The following MVP variants were observed in gnomAD, a reference collection of about 807,000 sequenced individuals.
MVP encodes the protein major vault protein, also known as lung resistance-related protein.
In MVP, 62 loss-of-function variants were observed where a neutral mutation model predicts 83.5. That is an observed-to-expected ratio of 0.74 (90% CI 0.61 to 0.92). The LOEUF (loss-of-function observed/expected upper bound fraction) is 0.92, where lower values mean the gene tolerates loss of function less well. Among genes scored for constraint, MVP ranks in the 40% least tolerant of loss-of-function variants. MVP has a pLI of 0.00. For synonymous variants in MVP, 505 were observed against 504.1 expected (o/e 1.00, Z -0.02); for missense variants, 1,000 against 1,203.4 (o/e 0.83, Z 2.50).
Position 29,841,549 on chromosome 16 carries a change from TC to T in MVP, c.1192-44del. ...TTTGGGACAGCTGGGCGGATCTTCC[TC>T]CCTTCCACCCTTACGGGCAGCTTCC... On this transcript the variant is annotated intron_variant, in intron 8 of 14. Transcript: ENST00000357402. The surrounding 1 kb of genome is among the most constrained non-coding windows in gnomAD (Gnocchi z 4.7). The T allele has an allele frequency of 1.3e-6, 2 of 1,524,112 alleles. No homozygotes were observed. The highest frequency in any genetic ancestry group is 2.8e-5 in the African/African-American group (2 of 72,144). The allele number at this position is 1,524,112 out of a possible 1,614,324, so 94.4% of individuals were successfully genotyped here.
chr16:29,833,948 C>A lies in MVP; in HGVS notation c.459C>A (p.Pro153=), dbSNP rs113616507. The part of the protein sequence containing the change: ...WLFEGPGTYI[P]RKEVEVVEII... ...TTCCCTCCCCAGGCACGTACATCCC[C>A]CGGAAGGAAGTGGAGGTCGTGGAGA... Residue 153 remains proline, a synonymous_variant, in exon 5 of 15, where the codon CCC becomes CCA. Transcript: ENST00000357402. 7.9e-3 allele frequency: 12,830 copies of A among 1,614,086 alleles called. 73 individuals carry two copies. Among genetic ancestry groups the A allele is most frequent in the Non-Finnish European group, 8.9e-3 (10,560 of 1,180,012 alleles).
At chr16:29,824,406 G>T (rs2067391093) in intron 1 of MVP, among the ~76,000 whole-genome samples, 1 of 151,950 alleles carries the variant, frequency 6.6e-6, no homozygotes, top group South Asian at 2.1e-4. Flanking sequence ...CAAGCCTCCA[G>T]GTGGTACCAC....
chr16:29,845,253 G>T (rs373227874), intron 11 of MVP, among the ~76,000 whole-genome samples: 1 of 149,520 alleles, frequency 6.7e-6, no homozygotes, highest in East Asian at 2.0e-4. Flanking sequence ...CTCCCATCTT[G>T]CATGTGATAA....
intron 7 of MVP, among the ~76,000 whole-genome samples, chr16:29,837,709 G>T (rs1178044875): frequency 2.6e-5 from 4 of 151,786 alleles, no homozygotes; most frequent in Non-Finnish European, 1.5e-5. Context: ...AGCCGAGATC[G>T]TGCCACTGCA....
At chr16:29,845,461 C>G (rs960319613) in intron 11 of MVP, among the ~76,000 whole-genome samples, 1 of 152,156 alleles carries the variant, frequency 6.6e-6, no homozygotes, top group Non-Finnish European at 1.5e-5. Flanking sequence ...CAGAAAGCTT[C>G]CCCCCGCCCC....
At position 29,836,835 on chromosome 16, in the gene MVP, T is replaced by C; in HGVS notation, c.786T>C (p.Asp262=). The part of the protein sequence containing the change: ...TVQDTEAHVP[D]VHEEVLGVVP... ...AGGACACAGAGGCCCACGTGCCAGA[T>C]GTCCACGAGGAGGTGCTGGGGGTTG... is the stretch of plus-strand genomic sequence containing the variant. The change falls in exon 7 of 15, where the codon GAT becomes GAC. Residue 262 remains aspartate, a synonymous_variant. Coordinates refer to ENST00000357402, the MANE Select transcript of MVP (RefSeq NM_005115.5). 2 of 1,613,886 alleles carry C rather than the reference T, an allele frequency of 1.2e-6. No homozygotes were observed. The highest frequency in any genetic ancestry group is 1.7e-6 in the Non-Finnish European group (2 of 1,179,950).
At chr16:29,826,621 C>CAAAAAA (rs35848068) in intron 1 of MVP, among the ~76,000 whole-genome samples, 2 of 87,960 alleles carry the variant, frequency 2.3e-5, no homozygotes, top group Admixed American at 1.3e-4. Context: ...GACCTTATCT[C>CAAAAAA]AAAAAAAAAA....
Position 29,831,639 on chromosome 16 carries a change from C to T in MVP, c.321+566C>T, listed in dbSNP as rs957473471. ...GAGAACTGTTGGCCCATCTCACCTT[C>T]CCAGGCTCCAGAGCCTACCAGAAGT... On this transcript the variant is annotated intron_variant, in intron 3 of 14. Coordinates refer to ENST00000357402, the MANE Select transcript of MVP (RefSeq NM_005115.5). 4 of 456,040 alleles carry T rather than the reference C, an allele frequency of 8.8e-6. No homozygotes were observed. In the Admixed American group the frequency reaches 9.4e-5, roughly 11 times the overall value. The allele number at this position is 456,040 out of a possible 1,614,324, so 28.2% of individuals were successfully genotyped here.
chr16:29,845,026 T>A, intron 11 of MVP, 147 bp downstream of exon 11: 1 of 1,165,416 alleles, frequency 8.6e-7, no homozygotes, highest in Non-Finnish European at 1.2e-6. Flanking sequence ...GGTGACCCAC[T>A]TAAAATGTGA....
intron 7 of MVP, among the ~76,000 whole-genome samples, chr16:29,839,003 A>G (rs1305641296): frequency 2.6e-5 from 4 of 152,124 alleles, no homozygotes; most frequent in African/African-American, 9.7e-5. Context: ...CCTGGCCAAC[A>G]TGGTGAAGCC....
At chr16:29,846,040 T>A (rs1464590393) in intron 12 of MVP, 61 bp downstream of exon 12, 1 of 1,611,676 alleles carries the variant, frequency 6.2e-7, no homozygotes, top group African/African-American at 1.3e-5. Context: ...CAGCAGCTGG[T>A]GTGGGCAGCA....
rs993367296 is a variant in MVP at position 29,838,741 on chromosome 16, C to G, written c.910-1437C>G. ...ATTTGGGAGGCTAAAGTGGGAAAAT[C>G]GCTTGACCCCAGGAAGTGGAGTGTA... On this transcript the variant is annotated intron_variant, in intron 7 of 14. Coordinates refer to ENST00000357402, the MANE Select transcript of MVP (RefSeq NM_005115.5). Among the ~76,000 whole-genome samples, 6 of 152,208 alleles carry G rather than the reference C, an allele frequency of 3.9e-5. No individual in the cohort carries two copies. The East Asian group carries it at 1.2e-3, about 29-fold the overall frequency.
chr16:29,841,940 T>TC lies in MVP; in HGVS notation c.1463dup (p.Leu489AlafsTer4). On this transcript the variant is annotated frameshift_variant, in exon 10 of 15. Transcript: ENST00000357402. LOFTEE classifies it high-confidence loss of function. The surrounding 1 kb of genome is among the most constrained non-coding windows in gnomAD (Gnocchi z 4.7). ...CGTGGTCTTCGGGCCTGAGCTGGTG[T>TC]CGCTGGGTCCTGAGGAGCAGTTCAC... 1.9e-6 allele frequency: 3 copies of TC among 1,612,800 alleles called. No individual in the cohort carries two copies. The highest frequency in any genetic ancestry group is 2.5e-6 in the Non-Finnish European group (3 of 1,180,022).
In MVP at chr16:29,840,330, G is replaced by A. The variant is rs1254078779; in HGVS notation, c.1062G>A (p.Gly354=). 3 of 1,612,080 alleles carry A rather than the reference G, an allele frequency of 1.9e-6. No individual in the cohort carries two copies. The highest frequency in any genetic ancestry group is 1.6e-4 in the Middle Eastern group (1 of 6,062). The change falls in exon 8 of 15, where the codon GGG becomes GGA. Residue 354 remains glycine, a synonymous_variant. Transcript: ENST00000357402. ...AGGAGAAGGTCTCACACCAGGCTGG[G>A]GACCACTGGCTCATCCGCGGACCCC... is the stretch of plus-strand genomic sequence containing the variant. ...EDEEKVSHQA[G]DHWLIRGPLE...
At chr16:29,845,007 A>C in intron 11 of MVP, 128 bp downstream of exon 11, 1 of 1,273,164 alleles carries the variant, frequency 7.9e-7, no homozygotes, top group Non-Finnish European at 1.1e-6. Flanking sequence ...TTCCCTACCC[A>C]ACAGATCAGG....
chr16:29,835,408 C>A (rs12932691), intron 5 of MVP: 25,776 of 206,420 alleles, frequency 0.12, 1,796 homozygotes, highest in African/African-American at 0.14. Context: ...GCATGAGAAT[C>A]ACTTGAATCC....
rs2067554521 is a variant in MVP at position 29,843,566 on chromosome 16, G to GAGGA, written c.1635-924_1635-923insAAGG. On this transcript the variant is annotated intron_variant, in intron 10 of 14. Coordinates refer to ENST00000357402, the MANE Select transcript of MVP (RefSeq NM_005115.5). Reference sequence around the variant, plus strand: ...GGAGGAAGGGAGGGAGGGAGGGAGGGAGGGAGGGAGGGAGGAAGGGAGGAA... The same window carrying GAGGA: ...GGAGGAAGGGAGGGAGGGAGGGAGGGAGGAAGGGAGGGAGGGAGGAAGGGAGGAA... Among the ~76,000 whole-genome samples, 7 of 68,270 alleles carry GAGGA rather than the reference G, an allele frequency of 1.0e-4. 1 individual carries two copies. The highest frequency in any genetic ancestry group is 1.4e-4 in the African/African-American group (2 of 14,404). 44.8% of individuals were successfully genotyped at this position (68,270 alleles called of 152,430 possible).
chr16:29,836,577 T>TA (rs35835626), intron 6 of MVP, 145 bp from the exon 7 acceptor site: 47,235 of 560,816 alleles, frequency 0.084, 28 homozygotes, highest in East Asian at 0.12. Context: ...GACTCCGATT[T>TA]AAAAAAAAAA....
At chr16:29,826,009 A>C (rs1244136331) in intron 1 of MVP, 1 of 152,232 alleles carries the variant, frequency 6.6e-6, no homozygotes, top group African/African-American at 2.4e-5. Context: ...TAAAGCCCCT[A>C]CTTGCTGTTC....
Sources: gnomAD v4.1 joint callset for allele counts (sites outside exome capture counted in the v4.1 genomes callset) on GRCh38, gnomAD v4.1.1 for gene constraint, Gnocchi (gnomAD v3.1) non-coding constraint, MANE v1.5 for transcripts, NCBI Gene and HGNC (gene_info 2026-07-23, HGNC 2026-07-21) for gene names.